KCNQ1: variants seen among roughly 807,000 people sequenced by gnomAD.
KCNQ1 encodes potassium voltage-gated channel subfamily Q member 1.
KCNQ1 carries 49 observed loss-of-function variants against 72.4 expected under a neutral mutation model. That is an observed-to-expected ratio of 0.68 (90% confidence interval 0.54 to 0.86). The LOEUF (loss-of-function observed/expected upper bound fraction) is 0.86. Among genes scored for constraint, KCNQ1 ranks in the 40% least tolerant of loss-of-function variants. The pLI is 0.00. For synonymous variants in KCNQ1, 450 were observed against 412.6 expected, an observed-to-expected ratio of 1.09 and a Z score of -1.10; for missense variants, 790 against 945.1, an observed-to-expected ratio of 0.84 and a Z score of 2.15.
intron 7 of KCNQ1, among the ~76,000 whole-genome samples, chr11:2,584,255 A>G (rs981509299): frequency 3.8e-5 from 1 of 26,344 alleles, no homozygotes; most frequent in Non-Finnish European, 6.8e-5. Flanking sequence ...ACAGGTATGT[A>G]TCCTATACAT....
In KCNQ1 at chr11:2,791,688, G is replaced by A. The variant is rs528574614; in HGVS notation, c.1794+13651G>A. Among the ~76,000 whole-genome samples, 89 of 152,040 alleles carry A rather than the reference G, an allele frequency of 5.9e-4. 1 individual carries two copies. Among genetic ancestry groups the A allele is most frequent in the African/African-American group, 2.0e-3 (85 of 41,524 alleles). ...CCCCGAGGTTGTGCGGGGGCTTGGCGGCAGCTGCGGGTGGGGGTGGGGGGC... is the reference window on the plus strand; with the variant it reads ...CCCCGAGGTTGTGCGGGGGCTTGGCAGCAGCTGCGGGTGGGGGTGGGGGGC... On this transcript the variant is annotated intron_variant, in intron 15 of 15. Transcript: ENST00000155840.
rs1266235982 is a variant in KCNQ1 at position 2,477,833 on chromosome 11, C to G, written c.386+32349C>G. 6.6e-6 allele frequency among the ~76,000 whole-genome samples: 1 copy of G among 151,880 alleles called. No homozygotes were observed. The highest frequency in any genetic ancestry group is 1.5e-5 in the Non-Finnish European group (1 of 67,998). On this transcript the variant is annotated intron_variant, in intron 1 of 15. Coordinates refer to ENST00000155840, the MANE Select transcript of KCNQ1 (RefSeq NM_000218.3). The surrounding 1 kb of genome is among the most constrained non-coding windows in gnomAD (Gnocchi z 5.0). Reference sequence around the variant, plus strand: ...GAATCTATGCATCCACAGGGACACACCCATGTATATAAACAAATAAGTGGA... The same window carrying G: ...GAATCTATGCATCCACAGGGACACAGCCATGTATATAAACAAATAAGTGGA...
At chr11:2,614,283 A>G (rs1334281428) in intron 10 of KCNQ1, 5 of 398,464 alleles carry the variant, frequency 1.3e-5, no homozygotes, top group East Asian at 3.6e-5. Context: ...CCATGTTGAC[A>G]TTTAATATAG....
intron 11 of KCNQ1, among the ~76,000 whole-genome samples, chr11:2,744,359 C>G (rs544420992): frequency 1.2e-4 from 19 of 152,364 alleles, no homozygotes; most frequent in African/African-American, 4.3e-4. Flanking sequence ...TGTGTAGCAG[C>G]TGAGCTCCTG....
intron 6 of KCNQ1, among the ~76,000 whole-genome samples, chr11:2,578,449 A>G (rs2133742494): frequency 6.6e-6 from 1 of 152,182 alleles, no homozygotes; most frequent in East Asian, 1.9e-4. Context: ...ACGAGAGGGG[A>G]CACCTGCCTG....
chr11:2,714,877 G>A (rs1295462914), intron 11 of KCNQ1, among the ~76,000 whole-genome samples: 1 of 152,048 alleles, frequency 6.6e-6, no homozygotes, highest in African/African-American at 2.4e-5. Context: ...CTGGGGACCT[G>A]ACTTCTGGGT....
In KCNQ1 at chr11:2,657,588, A is replaced by C; in HGVS notation, c.1394-4373A>C. 2.5e-6 allele frequency: 1 copy of C among 398,630 alleles called. No homozygotes were observed. Among genetic ancestry groups the C allele is most frequent in the Non-Finnish European group, 4.4e-6 (1 of 226,062 alleles). The allele number at this position is 398,630 out of a possible 1,614,324, so 24.7% of individuals were successfully genotyped here. A position where few individuals can be genotyped will look rare whatever the true frequency, so the allele number is the denominator to read the frequency against. On this transcript the variant is annotated intron_variant, in intron 10 of 15. Transcript: ENST00000155840. The surrounding 1 kb of genome is among the most constrained non-coding windows in gnomAD (Gnocchi z 4.8). ...TTAGCATCTTATATAACCATGGTAC[A>C]TTGACCAAAACTAAAAAATTAACAT...
chr11:2,751,868 G>A (rs113478938), intron 11 of KCNQ1, among the ~76,000 whole-genome samples: 6 of 152,224 alleles, frequency 3.9e-5, no homozygotes, highest in Non-Finnish European at 7.3e-5. Flanking sequence ...CATGAGGCCC[G>A]GCCAGCTTTG....
chr11:2,551,923 C>T (rs1350373146), intron 2 of KCNQ1, among the ~76,000 whole-genome samples: 2 of 152,214 alleles, frequency 1.3e-5, no homozygotes, highest in Admixed American at 1.3e-4. Flanking sequence ...CTGGTTTTAA[C>T]AATTAGGTTG....
chr11:2,480,934 G>T (rs946250335), intron 1 of KCNQ1, among the ~76,000 whole-genome samples: 1 of 152,288 alleles, frequency 6.6e-6, no homozygotes, highest in African/African-American at 2.4e-5. Context: ...GGAGCAGGAC[G>T]GGGGCAGTGT....
intron 15 of KCNQ1, among the ~76,000 whole-genome samples, chr11:2,840,921 A>G (rs896084329): frequency 1.2e-4 from 18 of 152,102 alleles, no homozygotes; most frequent in African/African-American, 4.1e-4. Flanking sequence ...TTCAACAAAC[A>G]TTTGTGCAGC....
At chr11:2,529,039 TG>T (rs555407403) in intron 2 of KCNQ1, among the ~76,000 whole-genome samples, 413 of 152,346 alleles carry the variant, frequency 2.7e-3, no homozygotes, top group Middle Eastern at 0.024. Context: ...GGGAGTTTCC[TG>T]GGTAAGTGGT....
Position 2,543,125 on chromosome 11 carries a change from T to C in KCNQ1, c.477+15107T>C, listed in dbSNP as rs753012898. On this transcript the variant is annotated intron_variant, in intron 2 of 15. Coordinates refer to ENST00000155840, the MANE Select transcript of KCNQ1 (RefSeq NM_000218.3). This position sits in a 1 kb window ranked among gnomAD's most constrained non-coding sequence, Gnocchi z 5.6. ...ATTGGCATCCAGGAAACATCTTTGGTGACATATCTTTTTAAATGTTTCACC... is the reference window on the plus strand; with the variant it reads ...ATTGGCATCCAGGAAACATCTTTGGCGACATATCTTTTTAAATGTTTCACC... Among the ~76,000 whole-genome samples the C allele has an allele frequency of 2.0e-5, 3 of 152,194 alleles. No individual in the cohort carries two copies. The highest frequency in any genetic ancestry group is 4.4e-5 in the Non-Finnish European group (3 of 68,046).
chr11:2,640,481 G>A (rs1474230229), intron 10 of KCNQ1: 15 of 398,014 alleles, frequency 3.8e-5, no homozygotes, highest in Non-Finnish European at 5.3e-5. Context: ...AGACAGGGTC[G>A]TGCATTGTTG....
chr11:2,596,441 T>C (rs1848734137), intron 10 of KCNQ1, among the ~76,000 whole-genome samples: 1 of 152,140 alleles, frequency 6.6e-6, no homozygotes, highest in African/African-American at 2.4e-5. Flanking sequence ...GCAACCCAAA[T>C]ACCCATCAAC....
chr11:2,650,672 C>A (rs1018474268), intron 10 of KCNQ1: 1 of 398,602 alleles, frequency 2.5e-6, no homozygotes, highest in Non-Finnish European at 4.4e-6. Context: ...GCATTTTAAG[C>A]CTCTTCTCTG....
chr11:2,751,298 T>A (rs1279334868), intron 11 of KCNQ1, among the ~76,000 whole-genome samples: 8 of 152,066 alleles, frequency 5.3e-5, no homozygotes. Context: ...ATCCAAACCC[T>A]CATCTCCCAC....
At position 2,725,014 on chromosome 11, in the gene KCNQ1, G is replaced by A. The variant is rs532441991; in HGVS notation, c.1515-43830G>A. Reference sequence around the variant, plus strand: ...TGGTGTGCCACCAGGGTCCCTGTCCGTTTAAGAAAAGCCTGTGGGCCCAAT... The same window carrying A: ...TGGTGTGCCACCAGGGTCCCTGTCCATTTAAGAAAAGCCTGTGGGCCCAAT... On this transcript the variant is annotated intron_variant, in intron 11 of 15. Transcript: ENST00000155840. This position sits in a 1 kb window ranked among gnomAD's most constrained non-coding sequence, Gnocchi z 7.2. Among the ~76,000 whole-genome samples the A allele has an allele frequency of 1.9e-4, 29 of 152,326 alleles. No homozygotes were observed. The highest frequency in any genetic ancestry group is 3.2e-4 in the Non-Finnish European group (22 of 68,026).
intron 15 of KCNQ1, among the ~76,000 whole-genome samples, chr11:2,798,566 C>T (rs1254131812): frequency 2.0e-5 from 3 of 151,824 alleles, no homozygotes; most frequent in African/African-American, 7.3e-5. Context: ...AAAAAAAATA[C>T]CCACTCTATT....
Sources: allele counts gnomAD v4.1 joint callset (sites outside exome capture counted in the v4.1 genomes callset), GRCh38; gene constraint gnomAD v4.1.1; non-coding constraint Gnocchi (gnomAD v3.1); transcripts MANE v1.5; gene names NCBI Gene and HGNC (gene_info 2026-07-23, HGNC 2026-07-21).